Variants in STK33 observed in about 807,000 individuals in gnomAD.
STK33 encodes serine/threonine kinase 33.
A neutral mutation model predicts 58.0 loss-of-function variants in STK33; 52 were observed. That is an observed-to-expected ratio of 0.90 (90% CI 0.72 to 1.13). The LOEUF (loss-of-function observed/expected upper bound fraction) is 1.13, where lower values mean the gene tolerates loss of function less well. STK33 is among the 50% of genes most tolerant of loss of function. STK33 has a pLI of 0.00. For synonymous variants in STK33, 215 were observed against 200.1 expected (o/e 1.07, Z -0.63); for missense variants, 630 against 604.2 (o/e 1.04, Z -0.45).
At chr11:8,580,356 G>A (rs1237516356) in intron 1 of STK33, among the ~76,000 whole-genome samples, 1 of 152,066 alleles carries the variant, frequency 6.6e-6, no homozygotes, top group Non-Finnish European at 1.5e-5. Context: ...TAAACGAAAT[G>A]AGCCAGGCAC....
intron 1 of STK33, among the ~76,000 whole-genome samples, chr11:8,543,928 CA>C (rs1414277924): frequency 6.6e-6 from 1 of 152,088 alleles, no homozygotes; most frequent in Non-Finnish European, 1.5e-5. Context: ...GTGAGAAATG[CA>C]ACTAGAAAAG....
At chr11:8,545,745 G>A (rs796066119) in intron 1 of STK33, among the ~76,000 whole-genome samples, 10 of 152,280 alleles carry the variant, frequency 6.6e-5, no homozygotes, top group East Asian at 1.9e-4. Flanking sequence ...AAAACAAGAA[G>A]AGAGATGAAT....
At chr11:8,496,027 A>T (rs989347222) in intron 1 of STK33, among the ~76,000 whole-genome samples, 1 of 152,110 alleles carries the variant, frequency 6.6e-6, no homozygotes, top group African/African-American at 2.4e-5. Flanking sequence ...CAGCAAACCA[A>T]CATGGTTCAC....
At position 8,407,848 on chromosome 11, in the gene STK33, C is replaced by T. The variant is rs184911021; in HGVS notation, c.1344+5647G>A. On this transcript the variant is annotated intron_variant, in intron 15 of 15. Coordinates refer to ENST00000687296, the MANE Select transcript of STK33 (RefSeq NM_001352389.2). ...ACAGATTCACAGAGCTCAGCAAACC[C>T]CAAGCAGGATAAAAGTGAAGAAGAA... Among the ~76,000 whole-genome samples the T allele has an allele frequency of 2.6e-3, 393 of 152,056 alleles. 2 individuals carry two copies. The highest frequency in any genetic ancestry group is 9.0e-3 in the African/African-American group (374 of 41,468).
intron 2 of STK33, among the ~76,000 whole-genome samples, chr11:8,477,677 T>C (rs923658142): frequency 1.5e-5 from 2 of 130,314 alleles, no homozygotes; most frequent in African/African-American, 5.3e-5. Context: ...TTTTGGGGGA[T>C]CTAAAAACAG....
intron 15 of STK33, among the ~76,000 whole-genome samples, chr11:8,399,113 G>A (rs1292177562): frequency 1.3e-5 from 2 of 152,142 alleles, no homozygotes; most frequent in Non-Finnish European, 2.9e-5. Flanking sequence ...TGCACCAAGT[G>A]GACCTAATAG....
chr11:8,545,973 G>C (rs1015543819), intron 1 of STK33, among the ~76,000 whole-genome samples: 1 of 152,132 alleles, frequency 6.6e-6, no homozygotes, highest in African/African-American at 2.4e-5. Context: ...TTGTTCCTAG[G>C]CTACAAACCT....
chr11:8,386,008 C>G, the STK33 span, among the ~76,000 whole-genome samples: 1 of 152,002 alleles, frequency 6.6e-6, no homozygotes, highest in Non-Finnish European at 1.5e-5. Flanking sequence ...TCTCTGACCT[C>G]GTGATCCACC....
chr11:8,381,530 G>A, the STK33 span, among the ~76,000 whole-genome samples: 2 of 152,252 alleles, frequency 1.3e-5, no homozygotes, highest in East Asian at 1.9e-4. Context: ...TCCCACAGGC[G>A]GAAGGTTTAT....
At chr11:8,471,294 T>G (rs965219743) in intron 6 of STK33, among the ~76,000 whole-genome samples, 1 of 152,350 alleles carries the variant, frequency 6.6e-6, no homozygotes, top group African/African-American at 2.4e-5. Context: ...ACTAGTTTTT[T>G]ACAAACTAAT....
At chr11:8,355,142 C>T in the STK33 span, among the ~76,000 whole-genome samples, 2 of 152,198 alleles carry the variant, frequency 1.3e-5, no homozygotes, top group East Asian at 3.9e-4. Flanking sequence ...ATCAACTTTC[C>T]CACAGAGACC....
At chr11:8,554,324 C>T (rs1956574900) in intron 1 of STK33, among the ~76,000 whole-genome samples, 1 of 148,978 alleles carries the variant, frequency 6.7e-6, no homozygotes, top group Non-Finnish European at 1.5e-5. Flanking sequence ...GAGGCTGAGG[C>T]AGGAGAATCG....
chr11:8,435,717 C>A, intron 13 of STK33, 138 bp from the exon 14 acceptor site: 1 of 470,556 alleles, frequency 2.1e-6, no homozygotes, highest in East Asian at 3.3e-5. Context: ...AGTATAAATG[C>A]CTAATAAATA....
intron 1 of STK33, among the ~76,000 whole-genome samples, chr11:8,528,766 T>A (rs1357453415): frequency 6.6e-6 from 1 of 152,204 alleles, no homozygotes; most frequent in Non-Finnish European, 1.5e-5. Flanking sequence ...TTACGGTGAA[T>A]TCTGTGGTAT....
chr11:8,537,420 G>A (rs1955122755), intron 1 of STK33, among the ~76,000 whole-genome samples: 1 of 152,012 alleles, frequency 6.6e-6, no homozygotes, highest in Non-Finnish European at 1.5e-5. Context: ...TTTCAAGTGT[G>A]TTCATAATTA....
the STK33 span, among the ~76,000 whole-genome samples, chr11:8,366,553 C>T: frequency 6.6e-6 from 1 of 152,182 alleles, no homozygotes; most frequent in African/African-American, 2.4e-5. Flanking sequence ...GGCCAAGTGA[C>T]CTTGGGCAAG....
At chr11:8,466,410 A>C (rs1948188561) in intron 6 of STK33, 2 of 152,262 alleles carry the variant, frequency 1.3e-5, no homozygotes, top group Admixed American at 1.3e-4. Flanking sequence ...AAAAGGCTAC[A>C]GGCCCAATGC....
chr11:8,364,750 C>A, the STK33 span, among the ~76,000 whole-genome samples: 1 of 152,186 alleles, frequency 6.6e-6, no homozygotes, highest in Non-Finnish European at 1.5e-5. Flanking sequence ...TGTACTACTT[C>A]ATTGTATGAA....
chr11:8,493,491 G>T (rs773786428), intron 1 of STK33, among the ~76,000 whole-genome samples: 2 of 152,124 alleles, frequency 1.3e-5, no homozygotes, highest in Non-Finnish European at 2.9e-5. Context: ...GGACCAGACG[G>T]ATTCACAGTG....
Sources: allele counts gnomAD v4.1 joint callset (sites outside exome capture counted in the v4.1 genomes callset), GRCh38; gene constraint gnomAD v4.1.1; transcripts MANE v1.5; gene names NCBI Gene and HGNC (gene_info 2026-07-23, HGNC 2026-07-21).